Variants in PLXDC2 observed in about 807,000 individuals in gnomAD.
PLXDC2 encodes the protein plexin domain-containing protein 2.
PLXDC2 carries 40 observed loss-of-function variants against 68.9 expected under a neutral mutation model. That is an observed-to-expected ratio of 0.58 (90% confidence interval 0.45 to 0.76). The LOEUF (loss-of-function observed/expected upper bound fraction) is 0.76, where lower values mean the gene tolerates loss of function less well. PLXDC2 is among the 30% of genes least tolerant of loss of function. The probability of loss-of-function intolerance (pLI) is 0.00; values close to 1 mark genes in which losing one functional copy is unlikely to be tolerated. For missense variants in PLXDC2, 644 were observed against 661.9 expected (o/e 0.97, Z 0.30); for synonymous variants, 243 against 234.2 (o/e 1.04, Z -0.34).
At position 20,158,419 on chromosome 10, in the gene PLXDC2, A is replaced by G. The variant is rs1564336273; in HGVS notation, c.784-6049A>G. 2.0e-5 allele frequency among the ~76,000 whole-genome samples: 3 copies of G among 151,124 alleles called. No individual in the cohort carries two copies. The South Asian group carries it at 6.3e-4, about 32-fold the overall frequency. On this transcript the variant is annotated intron_variant, in intron 6 of 13. Transcript: ENST00000377252. ...AAATAGCTTGTTTATACATACACAT[A>G]TGCACACACATAATGTCTTTGTTAT...
At chr10:19,961,574 C>G (rs1834154402) in intron 1 of PLXDC2, among the ~76,000 whole-genome samples, 1 of 152,220 alleles carries the variant, frequency 6.6e-6, no homozygotes, top group Admixed American at 6.5e-5. Flanking sequence ...ATGCAGTGAG[C>G]TAGGTTAACT....
intron 6 of PLXDC2, among the ~76,000 whole-genome samples, chr10:20,148,969 AC>A (rs978487409): frequency 2.0e-4 from 30 of 151,892 alleles, no homozygotes; most frequent in Non-Finnish European, 2.8e-4. Flanking sequence ...TCCTTTAAAA[AC>A]TTTTTTAATG....
At chr10:20,230,706 A>AAAAAAAAAAAAAAAAAAAAAAAG (rs1835351633) in intron 12 of PLXDC2, among the ~76,000 whole-genome samples, 1 of 149,634 alleles carries the variant, frequency 6.7e-6, no homozygotes, top group Non-Finnish European at 1.5e-5. Context: ...AAAAAAAAAA[A>AAAAAAAAAAAAAAAAAAAAAAAG]AAAAAAAACA....
chr10:20,126,747 C>T (rs4026635), intron 4 of PLXDC2, among the ~76,000 whole-genome samples: 1,133 of 3,016 alleles, frequency 0.38, 456 homozygotes, highest in Middle Eastern at 1. Flanking sequence ...AGAACACACA[C>T]GTTATATATG....
intron 1 of PLXDC2, among the ~76,000 whole-genome samples, chr10:19,962,453 C>T (rs1409277970): frequency 7.5e-6 from 1 of 134,132 alleles, no homozygotes; most frequent in East Asian, 2.3e-4. Context: ...TGCAGTGGCA[C>T]GATCTCGGCT....
At position 19,816,988 on chromosome 10, in the gene PLXDC2, G is replaced by T; in HGVS notation, c.-92G>T. ...CTCCGGGTCCTACCGAGACCGATCC[G>T]CAGCGTTTGGCCCGGTCGTGCCTAT... On this transcript the variant is annotated 5_prime_UTR_variant, in exon 1 of 14. Transcript: ENST00000377252. The T allele has an allele frequency of 1.1e-6, 1 of 904,288 alleles. No homozygotes were observed. Among genetic ancestry groups the T allele is most frequent in the South Asian group, 1.5e-5 (1 of 66,506 alleles). The allele number at this position is 904,288 out of a possible 1,614,324, so 56.0% of individuals were successfully genotyped here. A position where few individuals can be genotyped will look rare whatever the true frequency, so the allele number is the denominator to read the frequency against.
rs1379595426 is a variant in PLXDC2, at chr10:20,164,556, A to G, written c.872A>G (p.Gln291Arg). 1.9e-6 allele frequency: 3 copies of G among 1,611,486 alleles called. No individual in the cohort carries two copies. The highest frequency in any genetic ancestry group is 2.2e-5 in the South Asian group (2 of 91,054). The change falls in exon 7 of 14, where the codon CAA becomes CGA. Residue 291 changes from glutamine (Q) to arginine (R), a missense_variant. Physicochemically the swap from Gln to Arg is conservative, Grantham distance 43 (BLOSUM62 1). Transcript: ENST00000377252. ...SDAFVVVHRI[Q>R]QIPNVRRRTI... The stretch of plus-strand genomic sequence containing the variant: ...GCATTTGTCGTTGTCCACAGGATCC[A>G]ACAAATTCCCAGTACGTAGAAGAAG...
chr10:19,883,911 T>TTTTTTTTTTTTTTTGA, intron 1 of PLXDC2, among the ~76,000 whole-genome samples: 1 of 136,856 alleles, frequency 7.3e-6, no homozygotes, highest in African/African-American at 2.7e-5. Flanking sequence ...TTTTTTTTTT[T>TTTTTTTTTTTTTTTGA]AGCAGACAGG....
Position 19,957,715 on chromosome 10 carries a change from C to T in PLXDC2, c.113-44060C>T, listed in dbSNP as rs1036412561. 9.9e-5 allele frequency among the ~76,000 whole-genome samples: 15 copies of T among 152,068 alleles called. No individual in the cohort carries two copies. The South Asian group carries it at 1.5e-3, about 15-fold the overall frequency. On this transcript the variant is annotated intron_variant, in intron 1 of 13. Transcript: ENST00000377252. Reference sequence around the variant, plus strand: ...TTTTTGTTCACTGATTTGATGGGCCCTTTAGTAAAAATTCGACCATATGTT... The same window carrying T: ...TTTTTGTTCACTGATTTGATGGGCCTTTTAGTAAAAATTCGACCATATGTT...
At chr10:19,864,162 G>C (rs1287260334) in intron 1 of PLXDC2, among the ~76,000 whole-genome samples, 1 of 152,052 alleles carries the variant, frequency 6.6e-6, no homozygotes, top group African/African-American at 2.4e-5. Flanking sequence ...ACCACATGTA[G>C]TTAATTAACT....
intron 1 of PLXDC2, among the ~76,000 whole-genome samples, chr10:19,829,938 T>C (rs1320118413): frequency 6.6e-6 from 1 of 152,224 alleles, no homozygotes; most frequent in Non-Finnish European, 1.5e-5. Flanking sequence ...TTTAAATTTC[T>C]GAGCTTTGTA....
At chr10:20,185,021 A>G (rs1320064117) in intron 9 of PLXDC2, among the ~76,000 whole-genome samples, 1 of 151,852 alleles carries the variant, frequency 6.6e-6, no homozygotes, top group African/African-American at 2.4e-5. Context: ...AAGGGGAAGG[A>G]GAGCATTAGG....
intron 4 of PLXDC2, among the ~76,000 whole-genome samples, chr10:20,083,350 G>C (rs1454193404): frequency 1.3e-5 from 2 of 151,888 alleles, no homozygotes; most frequent in Admixed American, 1.3e-4. Flanking sequence ...GGTGGCATGC[G>C]CCTGTAGTCC....
chr10:20,056,345 T>A (rs1046270591), intron 3 of PLXDC2, among the ~76,000 whole-genome samples: 2 of 152,200 alleles, frequency 1.3e-5, no homozygotes, highest in Admixed American at 1.3e-4. Flanking sequence ...GAATTGTATT[T>A]CTCTGCATGC....
rs114094916 is a variant in PLXDC2 at position 19,818,825 on chromosome 10, G to A, written c.112+1634G>A. Among the ~76,000 whole-genome samples, 691 of 152,138 alleles carry A rather than the reference G, an allele frequency of 4.5e-3. 4 individuals are homozygous for A. The highest frequency in any genetic ancestry group is 0.016 in the African/African-American group (658 of 41,498). ...GTACTTATTCACGGTATGAATAGAT[G>A]CTTAATAAAAACAATTAACTCCACC... On this transcript the variant is annotated intron_variant, in intron 1 of 13. Transcript: ENST00000377252.
At chr10:19,996,119 G>T (rs1834839751) in intron 1 of PLXDC2, among the ~76,000 whole-genome samples, 1 of 152,050 alleles carries the variant, frequency 6.6e-6, no homozygotes, top group African/African-American at 2.4e-5. Context: ...GTGGAGAAAA[G>T]GTTGTAAAAG....
intron 13 of PLXDC2, among the ~76,000 whole-genome samples, chr10:20,278,607 T>C (rs1382930497): frequency 9.9e-6 from 1 of 100,940 alleles, no homozygotes; most frequent in Non-Finnish European, 2.1e-5. Context: ...GTAGGCAGAA[T>C]GTAATTACCT....
chr10:20,193,439 G>C (rs1834795311), intron 9 of PLXDC2, among the ~76,000 whole-genome samples: 1 of 151,992 alleles, frequency 6.6e-6, no homozygotes, highest in Non-Finnish European at 1.5e-5. Flanking sequence ...TATTATTAAA[G>C]GAAACAACAG....
At chr10:20,175,557 A>G (rs150523358) in intron 7 of PLXDC2, among the ~76,000 whole-genome samples, 1,871 of 152,274 alleles carry the variant, frequency 0.012, 45 homozygotes, top group African/African-American at 0.043. Context: ...ATGGGGGTGC[A>G]TTGGAGTAGG....
Sources: allele counts gnomAD v4.1 joint callset (sites outside exome capture counted in the v4.1 genomes callset), GRCh38; gene constraint gnomAD v4.1.1; transcripts MANE v1.5; gene names NCBI Gene and HGNC (gene_info 2026-07-23, HGNC 2026-07-21).